MTUS1: variants seen among roughly 807,000 people sequenced by gnomAD.
The protein encoded by MTUS1 is microtubule associated scaffold protein 1.
A neutral mutation model predicts 120.8 loss-of-function variants in MTUS1; 109 were observed. The ratio of observed to expected loss-of-function variants is 0.90; its 90% confidence interval spans 0.77 to 1.06. The LOEUF is 1.06. Ranked by LOEUF, MTUS1 falls within the 50% of genes least tolerant of loss-of-function variation. The pLI, the probability that MTUS1 is intolerant of heterozygous loss-of-function variation, is 0.00. For synonymous variants in MTUS1, 737 were observed against 550.5 expected (o/e 1.34, Z -4.74); for missense variants, 2,210 against 1,486.3 (o/e 1.49, Z -8.01).
At chr8:17,746,301 T>C (rs1448923424) in intron 2 of MTUS1, among the ~76,000 whole-genome samples, 1 of 152,176 alleles carries the variant, frequency 6.6e-6, no homozygotes, top group African/African-American at 2.4e-5. Context: ...GAGTTTCCCA[T>C]ATACCTAACT....
At chr8:17,677,418 G>C (rs34285970) in intron 7 of MTUS1, among the ~76,000 whole-genome samples, 77,224 of 151,908 alleles carry the variant, frequency 0.51, 21,626 homozygotes, top group Middle Eastern at 0.67. Context: ...TAGTAACCAA[G>C]TTACTAACAG....
chr8:17,695,540 T>C (rs1272152079), intron 6 of MTUS1, among the ~76,000 whole-genome samples: 1 of 152,202 alleles, frequency 6.6e-6, no homozygotes, highest in Non-Finnish European at 1.5e-5. Flanking sequence ...TACATCACTA[T>C]CAACTAAACC....
At chr8:17,751,871 A>G (rs1158506398) in intron 2 of MTUS1, among the ~76,000 whole-genome samples, 1 of 149,068 alleles carries the variant, frequency 6.7e-6, no homozygotes, top group East Asian at 1.9e-4. Context: ...TTAAAAAAAA[A>G]AAAAAAAAAA....
chr8:17,757,641 C>G (rs1173264452), intron 1 of MTUS1, among the ~76,000 whole-genome samples: 1 of 152,178 alleles, frequency 6.6e-6, no homozygotes, highest in Non-Finnish European at 1.5e-5. Context: ...ATCTTCCTGC[C>G]TCAGCCTCCT....
rs758716363 is a variant in MTUS1 at position 17,684,516 on chromosome 8, G to C, written c.2650C>G (p.Arg884Gly). ...AVEKSRQKNP[R>G]SLCIQPQTAP... The stretch of plus-strand genomic sequence containing the variant: ...GTCTGTGGCTGGATACATAAGCTTC[G>C]AGGATTCTTTTGCCTGCTCTTTTCA... Residue 884 changes from arginine (R) to glycine (G), a missense_variant, in exon 7 of 15, where the codon CGA becomes GGA. Physicochemically the swap from Arg to Gly is moderately radical, Grantham distance 125. Transcript: ENST00000693296. The C allele has an allele frequency of 1.2e-6, 2 of 1,613,824 alleles. No individual in the cohort carries two copies. The highest frequency in any genetic ancestry group is 1.3e-5 in the African/African-American group (1 of 74,900).
intron 3 of MTUS1, chr8:17,724,098 T>C (rs564362927): frequency 2.0e-4 from 110 of 551,030 alleles, no homozygotes; most frequent in African/African-American, 2.0e-3. Context: ...AGTAATTAAC[T>C]CACACATGTT....
chr8:17,798,391 G>A (rs896007157), intron 1 of MTUS1, among the ~76,000 whole-genome samples: 2 of 151,924 alleles, frequency 1.3e-5, no homozygotes, highest in Non-Finnish European at 2.9e-5. Flanking sequence ...GGAGTGCACT[G>A]GAGTGATCTC....
intron 6 of MTUS1, chr8:17,697,747 A>G: frequency 4.0e-6 from 4 of 993,158 alleles, no homozygotes; most frequent in Non-Finnish European, 4.8e-6. Context: ...CAGGAGCTTT[A>G]CAGAACAACC....
At chr8:17,730,432 C>T (rs972002821) in intron 3 of MTUS1, among the ~76,000 whole-genome samples, 18 of 147,726 alleles carry the variant, frequency 1.2e-4, no homozygotes, top group African/African-American at 4.0e-4. Context: ...TTACAGTGAG[C>T]TGAGATCATG....
intron 6 of MTUS1, among the ~76,000 whole-genome samples, chr8:17,698,664 G>C (rs1030016441): frequency 6.6e-6 from 1 of 152,060 alleles, no homozygotes; most frequent in Non-Finnish European, 1.5e-5. Context: ...CTATAGAGTA[G>C]GGTATGAAGC....
At chr8:17,792,281 C>T (rs192698422) in intron 1 of MTUS1, among the ~76,000 whole-genome samples, 3 of 152,200 alleles carry the variant, frequency 2.0e-5, no homozygotes, top group East Asian at 1.9e-4. Context: ...GGATGGAGGG[C>T]TAATCATTCA....
intron 6 of MTUS1, among the ~76,000 whole-genome samples, chr8:17,691,052 C>T (rs1816844468): frequency 6.6e-6 from 1 of 152,098 alleles, no homozygotes; most frequent in African/African-American, 2.4e-5. Flanking sequence ...ATTGTTCTAA[C>T]AAAACAAGTA....
chr8:17,711,894 A>G (rs1349244181), intron 6 of MTUS1, among the ~76,000 whole-genome samples: 2 of 152,194 alleles, frequency 1.3e-5, no homozygotes, highest in East Asian at 3.8e-4. Context: ...GAAGACCAAG[A>G]AAAGGGAGAG....
intron 1 of MTUS1, among the ~76,000 whole-genome samples, chr8:17,769,942 G>A (rs2049901339): frequency 6.7e-6 from 1 of 148,178 alleles, no homozygotes; most frequent in South Asian, 2.2e-4. Context: ...GGGGTTGGGG[G>A]GGAAGCACTA....
In MTUS1 at chr8:17,723,827, G is replaced by A. The variant is rs772974120; in HGVS notation, c.2294C>T (p.Pro765Leu). 6.4e-7 allele frequency: 1 copy of A among 1,568,106 alleles called. No individual in the cohort carries two copies. Among genetic ancestry groups the A allele is most frequent in the East Asian group, 2.3e-5 (1 of 44,434 alleles). ...RIRRVSSSGK[P>L]TSLKTAQSSW... ...CGACTGTGCAGTTTTCAAGGATGTA[G>A]GCTTTCCTTGGGGTTTAAAAAAAAC... Residue 765 changes from proline to leucine, a missense_variant, in exon 4 of 15, where the codon CCT (proline) becomes CTT (leucine). Pro to Leu is a moderately conservative substitution (Grantham distance 98). Transcript: ENST00000693296.
At chr8:17,666,597 C>A (rs1810963712) in intron 8 of MTUS1, among the ~76,000 whole-genome samples, 1 of 152,128 alleles carries the variant, frequency 6.6e-6, no homozygotes, top group Admixed American at 6.5e-5. Flanking sequence ...AGTGCAGATT[C>A]CTCCTCAATT....
intron 8 of MTUS1, 117 bp from the exon 9 acceptor site, chr8:17,656,182 G>A: frequency 1.2e-6 from 1 of 864,744 alleles, no homozygotes; most frequent in Non-Finnish European, 1.9e-6. Context: ...TGATGTCTTG[G>A]GTCTCTAGTG....
At chr8:17,693,976 C>A (rs1817467750) in intron 6 of MTUS1, among the ~76,000 whole-genome samples, 1 of 152,226 alleles carries the variant, frequency 6.6e-6, no homozygotes, top group Non-Finnish European at 1.5e-5. Context: ...CTAAGCTCTT[C>A]AGAAAGCCCA....
intron 4 of MTUS1, among the ~76,000 whole-genome samples, chr8:17,718,371 A>G (rs1822728312): frequency 1.3e-5 from 2 of 152,354 alleles, no homozygotes; most frequent in South Asian, 4.1e-4. Flanking sequence ...AAAATATCCT[A>G]GTTCTGGTGC....
Sources: allele counts gnomAD v4.1 joint callset (sites outside exome capture counted in the v4.1 genomes callset), GRCh38; gene constraint gnomAD v4.1.1; transcripts MANE v1.5; gene names NCBI Gene and HGNC (gene_info 2026-07-23, HGNC 2026-07-21).